Variants in MAGI3 observed in about 807,000 individuals in gnomAD.
MAGI3 encodes membrane-associated guanylate kinase, WW and PDZ domain-containing protein 3.
A neutral mutation model predicts 121.8 loss-of-function variants in MAGI3; 43 were observed. That is an observed-to-expected ratio of 0.35 (90% CI 0.28 to 0.46). The LOEUF is 0.46. MAGI3 is among the 20% of genes least tolerant of loss of function. MAGI3 has a pLI of 1.00. For missense variants in MAGI3, 1,547 were observed against 1,797.3 expected, an observed-to-expected ratio of 0.86 and a Z score of 2.52; for synonymous variants, 553 against 639.3, an observed-to-expected ratio of 0.86 and a Z score of 2.04.
intron 1 of MAGI3, among the ~76,000 whole-genome samples, chr1:113,442,552 T>C (rs1299460865): frequency 1.3e-5 from 2 of 151,954 alleles, no homozygotes; most frequent in Admixed American, 6.6e-5. Context: ...AAAATATATA[T>C]GTGTATATAT....
In MAGI3 at chr1:113,635,933, C is replaced by T. The variant is rs1015243163; in HGVS notation, c.1361-5978C>T. ...GTTATTCGTCTATTCAGAGATTCAA[C>T]TTCTTCCTGGTTTAGTCTTGGGAGG... On this transcript the variant is annotated intron_variant, in intron 9 of 20. Transcript: ENST00000307546. 3.0e-4 allele frequency among the ~76,000 whole-genome samples: 45 copies of T among 152,288 alleles called. No individual in the cohort carries two copies. In the East Asian group the frequency reaches 6.4e-3, roughly 22 times the overall value.
At chr1:113,484,369 A>G (rs1372464140) in intron 1 of MAGI3, among the ~76,000 whole-genome samples, 3 of 152,026 alleles carry the variant, frequency 2.0e-5, no homozygotes, top group Non-Finnish European at 4.4e-5. Context: ...TGTACACTGT[A>G]CCCAGTGTGT....
chr1:113,568,841 A>G (rs927574296), intron 2 of MAGI3, among the ~76,000 whole-genome samples: 4 of 152,146 alleles, frequency 2.6e-5, no homozygotes, highest in African/African-American at 9.6e-5. Context: ...AGTGCTTTTT[A>G]AAAAGAATAT....
chr1:113,641,020 ATAATATAT>A (rs1652447900), intron 9 of MAGI3, among the ~76,000 whole-genome samples: 1 of 30,502 alleles, frequency 3.3e-5, no homozygotes, highest in African/African-American at 1.3e-4. Context: ...TATATGATAT[ATAATATAT>A]ATGATATATA....
Position 113,681,290 on chromosome 1 carries a change from A to C in MAGI3, c.3282A>C (p.Lys1094Asn). 6.2e-7 allele frequency: 1 copy of C among 1,614,184 alleles called. No individual in the cohort carries two copies. The change falls in exon 20 of 21, where the codon AAA becomes AAC. Residue 1094 changes from lysine to asparagine, a missense_variant. Lys to Asn is a moderately conservative substitution (Grantham distance 94, BLOSUM62 0). Coordinates refer to ENST00000307546, the MANE Select transcript of MAGI3 (RefSeq NM_001142782.2). ...AGCTCATTCAGGCTGGTGGAAATAA[A>C]GTTCTTCTTCTTTTGAGGCCAGGAA... ...AIELIQAGGN[K>N]VLLLLRPGTG...
intron 1 of MAGI3, among the ~76,000 whole-genome samples, chr1:113,420,518 A>G (rs1201585743): frequency 1.3e-5 from 2 of 152,254 alleles, no homozygotes. Context: ...CTTGTTTTGA[A>G]TGACTCATTC....
At chr1:113,551,603 T>C (rs915821614) in intron 2 of MAGI3, among the ~76,000 whole-genome samples, 8 of 152,204 alleles carry the variant, frequency 5.3e-5, no homozygotes, top group Non-Finnish European at 1.0e-4. Context: ...GATGTGTCTT[T>C]GTCCATCTTG....
intron 1 of MAGI3, chr1:113,449,756 T>C (rs779060329): frequency 3.1e-5 from 31 of 1,011,866 alleles, no homozygotes; most frequent in Non-Finnish European, 4.8e-5. Flanking sequence ...TTATTGGTGG[T>C]CTGAGCTTTG....
At chr1:113,392,593 G>A (rs1650885609) in intron 1 of MAGI3, among the ~76,000 whole-genome samples, 1 of 152,186 alleles carries the variant, frequency 6.6e-6, no homozygotes, top group Non-Finnish European at 1.5e-5. Flanking sequence ...TATACACACA[G>A]ACTCACATGC....
chr1:113,628,504 C>T (rs907561313), intron 9 of MAGI3, among the ~76,000 whole-genome samples: 1 of 152,136 alleles, frequency 6.6e-6, no homozygotes, highest in Non-Finnish European at 1.5e-5. Flanking sequence ...GTGCTATTAC[C>T]AGTGAGTTTT....
chr1:113,540,416 AGT>A (rs1246671265), intron 1 of MAGI3, among the ~76,000 whole-genome samples: 5 of 152,166 alleles, frequency 3.3e-5, no homozygotes, highest in African/African-American at 1.2e-4. Flanking sequence ...TGACCTTCTT[AGT>A]GTGGACTCCA....
At chr1:113,419,595 A>C (rs897429530) in intron 1 of MAGI3, among the ~76,000 whole-genome samples, 1 of 151,958 alleles carries the variant, frequency 6.6e-6, no homozygotes, top group Non-Finnish European at 1.5e-5. Context: ...GAAAGCATGG[A>C]GTTTTAGAAA....
At chr1:113,418,584 C>T (rs1230265126) in intron 1 of MAGI3, among the ~76,000 whole-genome samples, 2 of 152,048 alleles carry the variant, frequency 1.3e-5, no homozygotes, top group Admixed American at 6.6e-5. Context: ...TTGTAGTCTT[C>T]TTCTTTCTCT....
At position 113,590,562 on chromosome 1, in the gene MAGI3, A is replaced by T. The variant is rs1648638316; in HGVS notation, c.842A>T (p.Asp281Val). ...PSYNQTNSSM[D>V]FRNYMMRDET... ...TACAACCAAACAAATAGCTCCATGGACTTTAGAAATTATATGATGAGAGAT... is the reference window on the plus strand; with the variant it reads ...TACAACCAAACAAATAGCTCCATGGTCTTTAGAAATTATATGATGAGAGAT... Residue 281 changes from aspartate (D) to valine (V), a missense_variant, in exon 5 of 21, where the codon GAC becomes GTC. Transcript: ENST00000307546. The T allele has an allele frequency of 1.9e-6, 3 of 1,613,650 alleles. No homozygotes were observed. Among genetic ancestry groups the T allele is most frequent in the African/African-American group, 1.3e-5 (1 of 74,898 alleles).
At chr1:113,654,213 A>C (rs187084240) in intron 15 of MAGI3, among the ~76,000 whole-genome samples, 195 bp downstream of exon 15, 4 of 152,366 alleles carry the variant, frequency 2.6e-5, no homozygotes, top group East Asian at 3.9e-4. Flanking sequence ...TTTATCTATT[A>C]TCTCACATTC....
chr1:113,476,640 A>C (rs1202650949), intron 1 of MAGI3, among the ~76,000 whole-genome samples: 1 of 152,160 alleles, frequency 6.6e-6, no homozygotes. Context: ...CTTTACTTCC[A>C]ATTATGTGGT....
chr1:113,554,283 ATGTGTGTG>A (rs539910651), intron 2 of MAGI3, among the ~76,000 whole-genome samples: 1 of 131,858 alleles, frequency 7.6e-6, no homozygotes, highest in Admixed American at 7.3e-5. Context: ...AAATATTCAT[ATGTGTGTG>A]TGTGTGTGTG....
chr1:113,599,503 C>T (rs201531005), intron 6 of MAGI3, among the ~76,000 whole-genome samples: 5 of 152,128 alleles, frequency 3.3e-5, no homozygotes, highest in East Asian at 1.9e-4. Context: ...CACATACACC[C>T]TCCCAAGACT....
rs146916270 is a variant in MAGI3 at position 113,564,542 on chromosome 1, C to G, written c.433+14911C>G. On this transcript the variant is annotated intron_variant, in intron 2 of 20. Transcript: ENST00000307546. The stretch of plus-strand genomic sequence containing the variant: ...TTTTGTTACTATTTTTCAATGATCT[C>G]TACTTGATACAGATGTCTGATAATA... Among the ~76,000 whole-genome samples, 217 of 152,112 alleles carry G rather than the reference C, an allele frequency of 1.4e-3. 6 individuals are homozygous for G. The East Asian group carries it at 0.037, about 26-fold the overall frequency.
Sources: allele counts gnomAD v4.1 joint callset (sites outside exome capture counted in the v4.1 genomes callset), GRCh38; gene constraint gnomAD v4.1.1; transcripts MANE v1.5; gene names NCBI Gene and HGNC (gene_info 2026-07-23, HGNC 2026-07-21).